GRIK1: variants seen among roughly 807,000 people sequenced by gnomAD.
The protein encoded by GRIK1 is glutamate ionotropic receptor kainate type subunit 1.
In GRIK1, 69 loss-of-function variants were observed where a neutral mutation model predicts 105.7. The observed-to-expected ratio is 0.65, with a 90% CI of 0.54 to 0.80. The LOEUF (loss-of-function observed/expected upper bound fraction) is 0.80, where lower values mean the gene tolerates loss of function less well. GRIK1 is among the 30% of genes least tolerant of loss of function. The probability of loss-of-function intolerance (pLI) is 0.00; values close to 1 mark genes in which losing one functional copy is unlikely to be tolerated. For synonymous variants in GRIK1, 438 were observed against 431.3 expected (o/e 1.02, Z -0.19); for missense variants, 1,109 against 1,167.3 (o/e 0.95, Z 0.73).
At chr21:29,681,319 A>G (rs779879901) in intron 3 of GRIK1, among the ~76,000 whole-genome samples, 1 of 152,182 alleles carries the variant, frequency 6.6e-6, no homozygotes, top group South Asian at 2.1e-4. Context: ...TTCCAGGCAG[A>G]GCACAAGCTC....
At chr21:29,641,305 C>T (rs991826611) in intron 7 of GRIK1, among the ~76,000 whole-genome samples, 5 of 152,114 alleles carry the variant, frequency 3.3e-5, no homozygotes, top group Non-Finnish European at 7.3e-5. Context: ...ATGCTGTTCT[C>T]GTGATAGCGA....
intron 1 of GRIK1, among the ~76,000 whole-genome samples, chr21:29,727,552 C>T (rs1229575008): frequency 6.6e-6 from 1 of 152,130 alleles, no homozygotes; most frequent in Non-Finnish European, 1.5e-5. Flanking sequence ...GAAGACCTAA[C>T]TGCATGAGTA....
intron 7 of GRIK1, among the ~76,000 whole-genome samples, chr21:29,602,154 T>C (rs2061531146): frequency 6.6e-6 from 1 of 152,214 alleles, no homozygotes; most frequent in Non-Finnish European, 1.5e-5. Context: ...GTGAAGATTT[T>C]GCATAAAACG....
At chr21:29,755,162 C>T (rs932433863) in intron 1 of GRIK1, among the ~76,000 whole-genome samples, 2 of 152,196 alleles carry the variant, frequency 1.3e-5, no homozygotes, top group African/African-American at 4.8e-5. Flanking sequence ...CTTCTGCTCA[C>T]CTCCTTTAAA....
chr21:29,630,892 C>T lies in GRIK1; in HGVS notation c.1098+11934G>A, dbSNP rs758081662. ...ATGGCTGTTTGCAACCTCTGCCTCC[C>T]GGGTTCAAGTGATCCTCCCACCCTC... On this transcript the variant is annotated intron_variant, in intron 7 of 17. Coordinates refer to ENST00000327783, the MANE Select transcript of GRIK1 (RefSeq NM_001330994.2). 50 of 302,234 alleles carry T rather than the reference C, an allele frequency of 1.7e-4. No individual in the cohort carries two copies. In the East Asian group the frequency reaches 3.9e-3, roughly 24 times the overall value. The allele number at this position is 302,234 out of a possible 1,614,324, so 18.7% of individuals were successfully genotyped here. A position where few individuals can be genotyped will look rare whatever the true frequency, so the allele number is the denominator to read the frequency against.
At chr21:29,736,063 T>C (rs1032907060) in intron 1 of GRIK1, among the ~76,000 whole-genome samples, 1 of 152,152 alleles carries the variant, frequency 6.6e-6, no homozygotes, top group Admixed American at 6.6e-5. Context: ...AAACTCATTG[T>C]AGTGACTGTG....
At chr21:29,850,658 A>T (rs1162075841) in intron 1 of GRIK1, among the ~76,000 whole-genome samples, 1 of 152,110 alleles carries the variant, frequency 6.6e-6, no homozygotes, top group Non-Finnish European at 1.5e-5. Context: ...CTCCATCTGG[A>T]CTCTGCCAGT....
intron 1 of GRIK1, among the ~76,000 whole-genome samples, chr21:29,781,665 T>C (rs183678454): frequency 0.02 from 2,413 of 119,972 alleles, 80 homozygotes; most frequent in African/African-American, 0.064. Context: ...TTCTTTTTTT[T>C]TTTTTTTTTT....
intron 1 of GRIK1, among the ~76,000 whole-genome samples, chr21:29,897,426 A>C (rs1212973401): frequency 6.6e-6 from 1 of 152,220 alleles, no homozygotes; most frequent in East Asian, 1.9e-4. Context: ...ATTGGAGAAA[A>C]TGAAGAAATT....
chr21:29,838,728 G>A (rs1035397181), intron 1 of GRIK1, among the ~76,000 whole-genome samples: 3 of 152,194 alleles, frequency 2.0e-5, no homozygotes, highest in Non-Finnish European at 2.9e-5. Context: ...GATTACAGCA[G>A]AGACTCTAAA....
At chr21:29,705,873 CTTT>C (rs1325677911) in intron 1 of GRIK1, among the ~76,000 whole-genome samples, 4 of 135,706 alleles carry the variant, frequency 2.9e-5, no homozygotes, top group Non-Finnish European at 4.8e-5. Flanking sequence ...CTTTTCTTTT[CTTT>C]TTTTTTTTTT....
At chr21:29,674,721 A>T (rs1167701378) in intron 3 of GRIK1, among the ~76,000 whole-genome samples, 1 of 152,048 alleles carries the variant, frequency 6.6e-6, no homozygotes, top group Non-Finnish European at 1.5e-5. Flanking sequence ...TTCTGCCATG[A>T]TTGTAAATTT....
At position 29,654,800 on chromosome 21, in the gene GRIK1, A is replaced by T. The variant is rs752139322; in HGVS notation, c.780+10T>A. On this transcript the variant is annotated intron_variant, in intron 5 of 17. Transcript: ENST00000327783. ...ACCATGTGGAATACATTTCTCCCAG[A>T]TGCACTTACCAGGGTTGTGAAAAAG... The T allele has an allele frequency of 1.3e-6, 2 of 1,488,000 alleles. No individual in the cohort carries two copies. Among genetic ancestry groups the T allele is most frequent in the Admixed American group, 3.3e-5 (2 of 59,902 alleles). The allele number at this position is 1,488,000 out of a possible 1,614,324, so 92.2% of individuals were successfully genotyped here.
intron 13 of GRIK1, among the ~76,000 whole-genome samples, chr21:29,578,199 C>T (rs878917864): frequency 2.0e-5 from 3 of 152,172 alleles, no homozygotes; most frequent in Admixed American, 1.3e-4. Flanking sequence ...TTAGCATATC[C>T]TCCATGAACC....
At position 29,598,837 on chromosome 21, in the gene GRIK1, G is replaced by A. The variant is rs778755912; in HGVS notation, c.1199C>T (p.Thr400Ile). The A allele has an allele frequency of 4.9e-6, 7 of 1,423,562 alleles. No individual in the cohort carries two copies. Among genetic ancestry groups the A allele is most frequent in the Non-Finnish European group, 5.9e-6 (6 of 1,014,858 alleles). The allele number at this position is 1,423,562 out of a possible 1,614,324, so 88.2% of individuals were successfully genotyped here. Residue 400 changes from threonine (T) to isoleucine (I), a missense_variant, in exon 8 of 18, where the codon ACT becomes ATT. Around this residue, in one of 5 missense-constraint regions of GRIK1, gnomAD observed 612 missense variants for 586.0 expected, o/e 1.04. Coordinates refer to ENST00000327783, the MANE Select transcript of GRIK1 (RefSeq NM_001330994.2). ...TATTGTTAAGGAGGTTACCTTTTCAGTTCCTTCCTCTTTGAGACTAATAAT... is the reference window on the plus strand; with the variant it reads ...TATTGTTAAGGAGGTTACCTTTTCAATTCCTTCCTCTTTGAGACTAATAAT... ...LDIISLKEEG[T>I]EKAAGEVSKH...
chr21:29,612,886 A>G (rs1177407308), intron 7 of GRIK1, among the ~76,000 whole-genome samples: 1 of 152,224 alleles, frequency 6.6e-6, no homozygotes, highest in East Asian at 1.9e-4. Flanking sequence ...TTTCAGCATA[A>G]CAATAGTAAT....
At chr21:29,855,308 T>C (rs1005400275) in intron 1 of GRIK1, among the ~76,000 whole-genome samples, 2 of 152,162 alleles carry the variant, frequency 1.3e-5, no homozygotes, top group African/African-American at 4.8e-5. Flanking sequence ...ATAAAGTCTA[T>C]AGAGACAATT....
chr21:29,671,617 C>G (rs1019646376), intron 4 of GRIK1, among the ~76,000 whole-genome samples: 14 of 152,086 alleles, frequency 9.2e-5, no homozygotes, highest in Non-Finnish European at 2.9e-5. Flanking sequence ...TTCCACAGTT[C>G]TGCATTCCTG....
At chr21:29,821,500 A>G (rs1358787125) in intron 1 of GRIK1, among the ~76,000 whole-genome samples, 2 of 152,044 alleles carry the variant, frequency 1.3e-5, no homozygotes, top group Non-Finnish European at 2.9e-5. Context: ...TGAAAAACAC[A>G]TGAGAACCAT....
Sources: gnomAD v4.1 joint callset for allele counts (sites outside exome capture counted in the v4.1 genomes callset) on GRCh38, gnomAD v4.1.1 for gene constraint, gnomAD v4.1.1 regional missense constraint, MANE v1.5 for transcripts, NCBI Gene and HGNC (gene_info 2026-07-23, HGNC 2026-07-21) for gene names.